MCM5: variants seen among roughly 807,000 people sequenced by gnomAD.
MCM5 encodes minichromosome maintenance complex component 5.
Under a neutral mutation model 79.9 loss-of-function variants are expected in MCM5, and 46 were observed. The observed-to-expected ratio is 0.58, with a 90% CI of 0.45 to 0.74. The LOEUF (loss-of-function observed/expected upper bound fraction) is 0.74, where lower values mean the gene tolerates loss of function less well. MCM5 is among the 30% of genes least tolerant of loss of function. MCM5 has a pLI of 0.00. For missense variants in MCM5, 883 were observed against 1,017.0 expected (o/e 0.87, Z 1.79); for synonymous variants, 404 against 390.5 (o/e 1.03, Z -0.41).
chr22:35,417,897 G>A (rs1181157056), intron 13 of MCM5, 41 bp downstream of exon 13: 2 of 1,445,048 alleles, frequency 1.4e-6, no homozygotes, highest in Non-Finnish European at 1.9e-6. Context: ...AGGTTGCCCA[G>A]CTTCCCTGGG....
chr22:35,442,065 C>T, the MCM5 span, among the ~76,000 whole-genome samples: 4 of 114,608 alleles, frequency 3.5e-5, no homozygotes, highest in African/African-American at 1.2e-4. Context: ...TCGAGCTACT[C>T]CCTGCTCAGG....
At chr22:35,400,372 A>C in intron 1 of MCM5, 59 bp from the exon 2 acceptor site, 1 of 1,594,262 alleles carries the variant, frequency 6.3e-7, no homozygotes, top group Non-Finnish European at 8.6e-7. Flanking sequence ...CAGGCGTCGG[A>C]GGGGAGGAGG....
At position 35,403,154 on chromosome 22, in the gene MCM5, G is replaced by T. The variant is rs541183163; in HGVS notation, c.168-53G>T. On this transcript the variant is annotated intron_variant, in intron 2 of 16. Coordinates refer to ENST00000216122, the MANE Select transcript of MCM5 (RefSeq NM_006739.4). ...TGCAGGCACACCTCAGCCAGTGTTG[G>T]TTTCCTCTTCTTTGCACCCTTCCTG... 1.8e-5 allele frequency: 29 copies of T among 1,601,198 alleles called. No individual in the cohort carries two copies. In the East Asian group the frequency reaches 6.3e-4, roughly 35 times the overall value.
chr22:35,408,219 A>G (rs991881175), intron 5 of MCM5, among the ~76,000 whole-genome samples, 189 bp from the exon 6 acceptor site: 1 of 152,186 alleles, frequency 6.6e-6, no homozygotes, highest in Non-Finnish European at 1.5e-5. Flanking sequence ...ATCCAGTGCT[A>G]GGTCCGTCAG....
Position 35,400,443 on chromosome 22 carries a change from C to A in MCM5, c.5C>A (p.Ser2Ter). ...GTTCCCACCCCAGGCGCAGTCATGTCGGGATTCGACGATCCTGGCATTTTC... is the reference window on the plus strand; with the variant it reads ...GTTCCCACCCCAGGCGCAGTCATGTAGGGATTCGACGATCCTGGCATTTTC... The part of the protein sequence containing the change: M[S>*]GFDDPGIFYS... Residue 2 changes from serine (S) to a stop codon, truncating the protein, a stop_gained, in exon 2 of 17, where the codon TCG becomes TAG. Coordinates refer to ENST00000216122, the MANE Select transcript of MCM5 (RefSeq NM_006739.4). LOFTEE classifies it high-confidence loss of function. 6.2e-7 allele frequency: 1 copy of A among 1,614,038 alleles called. No individual in the cohort carries two copies. Among genetic ancestry groups the A allele is most frequent in the Non-Finnish European group, 8.5e-7 (1 of 1,179,954 alleles).
At chr22:35,428,970 C>CTTTTTTTTTTTTT (rs35549972), downstream of MCM5, among the ~76,000 whole-genome samples, 12 of 65,516 alleles carry the variant, frequency 1.8e-4, no homozygotes, top group Admixed American at 2.2e-4. Flanking sequence ...TTTCTTTGAC[C>CTTTTTTTTTTTTT]TTTTTTTTTT....
chr22:35,451,296 G>C, the MCM5 span, among the ~76,000 whole-genome samples: 1 of 152,202 alleles, frequency 6.6e-6, no homozygotes, highest in Non-Finnish European at 1.5e-5. Context: ...AGAACCAGCA[G>C]AGAAGGTTGC....
At chr22:35,454,126 G>A in the MCM5 span, among the ~76,000 whole-genome samples, 6 of 151,940 alleles carry the variant, frequency 3.9e-5, no homozygotes, top group African/African-American at 9.7e-5. Flanking sequence ...GTGTGAGGTC[G>A]GTGCTGGGAG....
chr22:35,407,865 C>A (rs542565284), intron 5 of MCM5, among the ~76,000 whole-genome samples: 1 of 152,328 alleles, frequency 6.6e-6, no homozygotes, highest in South Asian at 2.1e-4. Context: ...AGAGCAGGGA[C>A]CTTTTTGTTC....
intron 6 of MCM5, among the ~76,000 whole-genome samples, chr22:35,408,898 G>T (rs1932295615): frequency 6.6e-6 from 1 of 152,158 alleles, no homozygotes. Context: ...GGCCCAGGAT[G>T]CACAGCTAGA....
chr22:35,438,435 ATATT>A, the MCM5 span, among the ~76,000 whole-genome samples: 1 of 110,470 alleles, frequency 9.1e-6, no homozygotes, highest in African/African-American at 3.6e-5. Flanking sequence ...ATCCATCCAC[ATATT>A]CATCCATCCA....
the MCM5 span, among the ~76,000 whole-genome samples, chr22:35,438,880 CATCCATCCATCTACAT>C: frequency 6.7e-6 from 1 of 149,478 alleles, no homozygotes; most frequent in Non-Finnish European, 1.5e-5. Context: ...TCCATCCATC[CATCCATCCATCTACAT>C]ATCCATCCAT....
chr22:35,411,617 AG>A (rs1266035925), intron 7 of MCM5: 1 of 152,168 alleles, frequency 6.6e-6, no homozygotes, highest in Non-Finnish European at 1.5e-5. Flanking sequence ...GGGGCCACTG[AG>A]GGTTTTCAGG....
At chr22:35,446,070 A>G in the MCM5 span, among the ~76,000 whole-genome samples, 2 of 152,206 alleles carry the variant, frequency 1.3e-5, no homozygotes, top group African/African-American at 4.8e-5. Flanking sequence ...ATTGGTCTCT[A>G]TCTGTTCAGC....
rs143243348 is a variant in MCM5 at position 35,400,545 on chromosome 22, A to G, written c.107A>G (p.Lys36Arg). Residue 36 changes from lysine to arginine, a missense_variant, in exon 2 of 17, where the codon AAG (lysine) becomes AGG (arginine). Physicochemically the swap from Lys to Arg is conservative, Grantham distance 26 (BLOSUM62 2). Transcript: ENST00000216122. The stretch of plus-strand genomic sequence containing the variant: ...AAATCGCAGCTGCAGAGGCGCTTCA[A>G]GGAGTTCCTGCGGCAGTACCGAGTG... ...ARKSQLQRRF[K>R]EFLRQYRVGT... 21 of 1,614,012 alleles carry G rather than the reference A, an allele frequency of 1.3e-5. No individual in the cohort carries two copies. Among genetic ancestry groups the G allele is most frequent in the Non-Finnish European group, 1.7e-5 (20 of 1,179,970 alleles).
chr22:35,424,210 G>C lies in MCM5; in HGVS notation c.2160G>C (p.Glu720Asp). Residue 720 changes from glutamate (E) to aspartate (D), a missense_variant, in exon 17 of 17, where the codon GAG becomes GAC. By Grantham distance (45) the Glu-to-Asp change is conservative. This residue lies in a region of MCM5 where 426 missense variants were observed against 482.3 expected (regional missense o/e 0.88). Transcript: ENST00000216122. Reference protein sequence around the residue: ...KVLQLMLRRGEIQHRMQRKVL... With the variant: ...KVLQLMLRRGDIQHRMQRKVL... ...TGCAGCTCATGCTGCGGCGCGGCGA[G>C]ATCCAGCATCGCATGCAGCGCAAGG... The C allele has an allele frequency of 1.3e-6, 2 of 1,553,486 alleles. No individual in the cohort carries two copies. The highest frequency in any genetic ancestry group is 1.7e-4 in the Middle Eastern group (1 of 5,992).
downstream of MCM5, among the ~76,000 whole-genome samples, chr22:35,426,791 A>G (rs1932781735): frequency 6.6e-6 from 1 of 151,788 alleles, no homozygotes; most frequent in East Asian, 1.9e-4. Context: ...TCACCTTTTC[A>G]TGCTTTTGTG....
the MCM5 span, among the ~76,000 whole-genome samples, chr22:35,449,320 G>A: frequency 1.3e-5 from 2 of 152,190 alleles, no homozygotes; most frequent in Admixed American, 1.3e-4. Flanking sequence ...TGTGTCTTTG[G>A]AACTGACAGA....
intron 4 of MCM5, among the ~76,000 whole-genome samples, chr22:35,403,960 A>G (rs935503687): frequency 1.3e-5 from 2 of 152,094 alleles, no homozygotes; most frequent in Non-Finnish European, 2.9e-5. Flanking sequence ...AACAAAAAAA[A>G]CAAAGCTAGG....
Sources: gnomAD v4.1 joint callset for allele counts (sites outside exome capture counted in the v4.1 genomes callset) on GRCh38, gnomAD v4.1.1 for gene constraint, gnomAD v4.1.1 regional missense constraint, MANE v1.5 for transcripts, NCBI Gene and HGNC (gene_info 2026-07-23, HGNC 2026-07-21) for gene names.